Variants in ADGRG1 observed in about 807,000 individuals in gnomAD.
The protein encoded by ADGRG1 is 7-transmembrane protein with no EGF-like N-terminal domains-1.
In ADGRG1, 53 loss-of-function variants were observed where a neutral mutation model predicts 73.5. The observed-to-expected ratio is 0.72, with a 90% CI of 0.58 to 0.91. The LOEUF (loss-of-function observed/expected upper bound fraction) is 0.91, where lower values mean the gene tolerates loss of function less well. ADGRG1 is among the 40% of genes least tolerant of loss of function. ADGRG1 has a pLI of 0.00. For missense variants in ADGRG1, 795 were observed against 871.8 expected (o/e 0.91, Z 1.11); for synonymous variants, 394 against 374.4 (o/e 1.05, Z -0.60).
chr16:57,634,418 C>T, intron 1 of ADGRG1: 1 of 985,468 alleles, frequency 1.0e-6, no homozygotes, highest in Non-Finnish European at 1.2e-6. Flanking sequence ...ACGGGCCAAA[C>T]AGTTCAGGGG....
At chr16:57,634,899 G>C in intron 1 of ADGRG1, 1 of 948,148 alleles carries the variant, frequency 1.1e-6, no homozygotes, top group Non-Finnish European at 1.3e-6. Context: ...CCTCTATCTA[G>C]AAACCCTCTT....
upstream of ADGRG1, among the ~76,000 whole-genome samples, chr16:57,620,393 A>T (rs1487571081): frequency 6.6e-6 from 1 of 152,142 alleles, no homozygotes; most frequent in Non-Finnish European, 1.5e-5. Context: ...GGAAGCTGGC[A>T]GGTGTGAGGT....
At chr16:57,628,925 T>TGA (rs34410691) in intron 1 of ADGRG1, 123 bp downstream of exon 1, 315,816 of 753,900 alleles carry the variant, frequency 0.42, 81,511 homozygotes, top group African/African-American at 0.62. Flanking sequence ...AGAGTGAGTG[T>TGA]GAGTGTGAGT....
upstream of ADGRG1, among the ~76,000 whole-genome samples, chr16:57,620,412 G>A (rs1361918646): frequency 1.3e-5 from 2 of 152,160 alleles, no homozygotes; most frequent in Non-Finnish European, 2.9e-5. Context: ...GTGTGTTCCC[G>A]GTGTCCAACG....
Position 57,659,688 on chromosome 16 carries a change from G to T in ADGRG1, c.1555+7G>T, listed in dbSNP as rs368276813. On this transcript the variant is annotated splice_region_variant and intron_variant, in intron 11 of 13. Transcript: ENST00000562631. ...CTGAGCGCCATGGGCTGGGGTAAGT[G>T]GTTGGGCGGGGGGTGCCTCAGACCT... The T allele has an allele frequency of 2.5e-5, 40 of 1,613,490 alleles. No individual in the cohort carries two copies. The highest frequency in any genetic ancestry group is 1.1e-4 in the East Asian group (5 of 44,870).
chr16:57,653,359 G>A, intron 4 of ADGRG1, 24 bp downstream of exon 4: 2 of 1,604,624 alleles, frequency 1.2e-6, no homozygotes, highest in Non-Finnish European at 1.7e-6. Context: ...CTGGGGCTGT[G>A]AGGGGAGGCA....
At chr16:57,636,393 A>G (rs2039375421) in intron 1 of ADGRG1, 1 of 985,318 alleles carries the variant, frequency 1.0e-6, no homozygotes, top group Non-Finnish European at 1.2e-6. Flanking sequence ...CAGAGCCTTT[A>G]TCGGGAAAAC....
chr16:57,632,652 T>C (rs1567681575), intron 1 of ADGRG1, among the ~76,000 whole-genome samples: 1 of 152,176 alleles, frequency 6.6e-6, no homozygotes, highest in Non-Finnish European at 1.5e-5. Context: ...GCCTGACTCG[T>C]GCTTTGGTGA....
At chr16:57,641,488 A>C in intron 1 of ADGRG1, 1 of 985,060 alleles carries the variant, frequency 1.0e-6, no homozygotes, top group Non-Finnish European at 1.2e-6. Context: ...CCTTCAAGAC[A>C]GGCTGGTGTC....
chr16:57,658,126 TAAAAA>T (rs1319243067), intron 10 of ADGRG1, among the ~76,000 whole-genome samples: 4 of 152,282 alleles, frequency 2.6e-5, no homozygotes, highest in Admixed American at 1.3e-4. Flanking sequence ...ATAAAAAACT[TAAAAA>T]AGGAAAGATT....
At chr16:57,655,269 G>T (rs1431134485) in intron 5 of ADGRG1, 130 bp from the exon 6 acceptor site, 6 of 1,570,256 alleles carry the variant, frequency 3.8e-6, no homozygotes, top group Non-Finnish European at 5.2e-6. Flanking sequence ...AGTCAGGCTT[G>T]ACTTCCTGAA....
chr16:57,653,613 G>A, intron 4 of ADGRG1: 1 of 982,938 alleles, frequency 1.0e-6, no homozygotes, highest in East Asian at 1.1e-4. Flanking sequence ...AGCAGACCAA[G>A]GCTCAGAGAC....
chr16:57,647,408 G>A, intron 1 of ADGRG1: 3 of 985,134 alleles, frequency 3.0e-6, no homozygotes, highest in Non-Finnish European at 3.6e-6. Context: ...AGGCCCAGGG[G>A]GCTGAGTTAG....
intron 6 of ADGRG1, 70 bp from the exon 7 acceptor site, chr16:57,655,806 G>A: frequency 6.2e-7 from 1 of 1,613,658 alleles, no homozygotes; most frequent in African/African-American, 1.3e-5. Flanking sequence ...AGAGGGTAAG[G>A]GGCTTCTGGG....
chr16:57,629,937 G>A (rs544286338), intron 1 of ADGRG1: 14 of 887,798 alleles, frequency 1.6e-5, no homozygotes, highest in Middle Eastern at 1.2e-3. Context: ...TAGGGAGGAG[G>A]GGATGGGTCA....
intron 1 of ADGRG1, chr16:57,634,969 G>C: frequency 1.0e-6 from 1 of 985,424 alleles, no homozygotes; most frequent in Non-Finnish European, 1.2e-6. Flanking sequence ...AGCCATGAAT[G>C]CATCTTCAGA....
intron 1 of ADGRG1, chr16:57,632,768 G>A (rs2038334779): frequency 1.7e-5 from 17 of 984,526 alleles, no homozygotes; most frequent in East Asian, 1.1e-4. Context: ...GCTCAGCCCC[G>A]GAGGAGCTGG....
At chr16:57,651,000 G>A (rs151061503) in intron 2 of ADGRG1, 200 bp from the exon 3 acceptor site, 23 of 979,308 alleles carry the variant, frequency 2.3e-5, no homozygotes, top group Non-Finnish European at 2.5e-5. Context: ...GAGCCACCGC[G>A]CCCGGCCTCA....
chr16:57,652,787 C>G (rs1263552109), intron 3 of ADGRG1: 3 of 1,071,740 alleles, frequency 2.8e-6, no homozygotes, highest in Non-Finnish European at 3.4e-6. Flanking sequence ...CTTAGTAGGC[C>G]GCCCACGCTA....
Sources: gnomAD v4.1 joint callset for allele counts (sites outside exome capture counted in the v4.1 genomes callset) on GRCh38, gnomAD v4.1.1 for gene constraint, MANE v1.5 for transcripts, NCBI Gene and HGNC (gene_info 2026-07-23, HGNC 2026-07-21) for gene names.